The following UBE2D2 variants were observed in gnomAD, a reference collection of about 807,000 sequenced individuals.
The protein encoded by UBE2D2 is ubiquitin conjugating enzyme E2 D2.
UBE2D2 carries 2 observed loss-of-function variants against 24.2 expected under a neutral mutation model. The ratio of observed to expected loss-of-function variants is 0.08; its 90% confidence interval spans 0.03 to 0.26. The LOEUF is 0.26. UBE2D2 is among the 10% of genes least tolerant of loss of function. UBE2D2 has a pLI of 1.00. For synonymous variants in UBE2D2, 58 were observed against 56.5 expected (o/e 1.03, Z -0.12); for missense variants, 44 against 177.6 (o/e 0.25, Z 4.28).
chr5:139,569,763 G>T (rs1219478595), intron 1 of UBE2D2, among the ~76,000 whole-genome samples: 1 of 152,192 alleles, frequency 6.6e-6, no homozygotes, highest in African/African-American at 2.4e-5. Context: ...TCTGAATTGA[G>T]AACCTGGATT....
intron 1 of UBE2D2, among the ~76,000 whole-genome samples, chr5:139,563,267 A>C (rs1753148270): frequency 6.6e-6 from 1 of 152,208 alleles, no homozygotes; most frequent in Admixed American, 6.5e-5. Context: ...ACAGTGTGGA[A>C]TCAGTCCCAT....
chr5:139,604,234 G>A lies in UBE2D2; in HGVS notation c.88+3799G>A, dbSNP rs1446143621. 7.3e-5 allele frequency among the ~76,000 whole-genome samples: 11 copies of A among 150,912 alleles called. No homozygotes were observed. The South Asian group carries it at 2.1e-3, about 29-fold the overall frequency. ...TGGCTCACTATAACCTTCGCCTCGT[G>A]GGTTCAAGCAGTTCTCCTGCCTCAG... is the stretch of plus-strand genomic sequence containing the variant. On this transcript the variant is annotated intron_variant, in intron 2 of 6. Coordinates refer to ENST00000398733, the MANE Select transcript of UBE2D2 (RefSeq NM_003339.3).
At chr5:139,621,257 CATAA>C (rs1439110394) in intron 5 of UBE2D2, among the ~76,000 whole-genome samples, 3 of 152,084 alleles carry the variant, frequency 2.0e-5, no homozygotes, top group South Asian at 2.1e-4. Context: ...TAAATACATA[CATAA>C]ATAAATAAAT....
intron 1 of UBE2D2, among the ~76,000 whole-genome samples, chr5:139,549,461 C>A (rs961397613): frequency 6.6e-6 from 1 of 152,214 alleles, no homozygotes; most frequent in Non-Finnish European, 1.5e-5. Flanking sequence ...CGCCGTGGGC[C>A]CAGGAAGTGA....
chr5:139,597,916 T>C (rs1029205878), intron 1 of UBE2D2, among the ~76,000 whole-genome samples: 4 of 152,226 alleles, frequency 2.6e-5, no homozygotes, highest in African/African-American at 9.6e-5. Context: ...ATTTCTTTTT[T>C]TTTGAGACGA....
At chr5:139,528,263 T>A (rs1046640979) in intron 1 of UBE2D2, among the ~76,000 whole-genome samples, 1 of 152,186 alleles carries the variant, frequency 6.6e-6, no homozygotes, top group Non-Finnish European at 1.5e-5. Context: ...CTGGGCACTC[T>A]GCCAAATAAC....
intron 5 of UBE2D2, among the ~76,000 whole-genome samples, chr5:139,619,591 C>T (rs1754477167): frequency 6.6e-6 from 1 of 152,066 alleles, no homozygotes; most frequent in Non-Finnish European, 1.5e-5. Flanking sequence ...TTGCCAGGTG[C>T]GGTGGCTCAC....
chr5:139,574,697 C>T (rs1173806646), intron 1 of UBE2D2, among the ~76,000 whole-genome samples: 2 of 137,276 alleles, frequency 1.5e-5, no homozygotes, highest in Non-Finnish European at 3.1e-5. Context: ...CTGTGTTTGC[C>T]AACAACATTC....
intron 1 of UBE2D2, among the ~76,000 whole-genome samples, chr5:139,595,634 A>G (rs990162235): frequency 2.6e-5 from 4 of 151,950 alleles, no homozygotes; most frequent in Non-Finnish European, 5.9e-5. Context: ...GTGCCCAGCC[A>G]TGATGACAAT....
intron 2 of UBE2D2, among the ~76,000 whole-genome samples, chr5:139,607,541 A>T (rs1456040821): frequency 6.6e-6 from 1 of 152,210 alleles, no homozygotes; most frequent in African/African-American, 2.4e-5. Context: ...AGTGAAGACA[A>T]ATTAACATAG....
intron 1 of UBE2D2, among the ~76,000 whole-genome samples, chr5:139,537,297 G>A (rs553312677): frequency 6.6e-5 from 10 of 151,816 alleles, no homozygotes; most frequent in Non-Finnish European, 8.8e-5. Context: ...TTTTTGAAGC[G>A]GAATGTAAAC....
rs1754389850 is a variant in UBE2D2, at chr5:139,614,875, A to T, written c.213A>T (p.Thr71=). 1 of 1,613,794 alleles carries T rather than the reference A, an allele frequency of 6.2e-7. No individual in the cohort carries two copies. Among genetic ancestry groups the T allele is most frequent in the African/African-American group, 1.3e-5 (1 of 75,048 alleles). ...TCTTTCTGTAGGTTGCATTTACAAC[A>T]AGAATTTATCATCCAAATATTAACA... The part of the protein sequence containing the change: ...PFKPPKVAFT[T]RIYHPNINSN... Residue 71 remains threonine, a synonymous_variant, in exon 5 of 7, where the codon ACA becomes ACT. Transcript: ENST00000398733.
In UBE2D2 at chr5:139,561,501, A is replaced by C; in HGVS notation, c.-291A>C. 5.2e-6 allele frequency: 2 copies of C among 387,130 alleles called. No individual in the cohort carries two copies. Among genetic ancestry groups the C allele is most frequent in the Non-Finnish European group, 9.2e-6 (2 of 217,428 alleles). 24.0% of individuals were successfully genotyped at this position (387,130 alleles called of 1,614,324 possible). On this transcript the variant is annotated 5_prime_UTR_variant, in exon 1 of 7. Coordinates refer to ENST00000398733, the MANE Select transcript of UBE2D2 (RefSeq NM_003339.3). ...GCGGAGGGATCTGCGGCGGTTTAGG[A>C]GGCGGCGCTGATCCTGGGAGGAAGA...
intron 1 of UBE2D2, among the ~76,000 whole-genome samples, chr5:139,596,610 T>TA (rs1239175250): frequency 6.6e-6 from 1 of 151,298 alleles, no homozygotes; most frequent in Non-Finnish European, 1.5e-5. Flanking sequence ...CTTTTAAGAA[T>TA]AAAAAACTGG....
intron 1 of UBE2D2, among the ~76,000 whole-genome samples, chr5:139,535,343 C>A (rs1752655119): frequency 6.6e-6 from 1 of 150,878 alleles, no homozygotes; most frequent in Non-Finnish European, 1.5e-5. Flanking sequence ...GTAGTCCCAG[C>A]TACATGGGAG....
At chr5:139,537,118 G>A (rs1261869046) in intron 1 of UBE2D2, among the ~76,000 whole-genome samples, 2 of 151,358 alleles carry the variant, frequency 1.3e-5, no homozygotes, top group African/African-American at 2.4e-5. Flanking sequence ...GGGAGGCGGT[G>A]CTTGCAGTGA....
At chr5:139,610,940 T>C (rs543060578) in intron 2 of UBE2D2, among the ~76,000 whole-genome samples, 1 of 152,260 alleles carries the variant, frequency 6.6e-6, no homozygotes, top group East Asian at 1.9e-4. Context: ...TTTCTTTCAC[T>C]CTTTTACAGA....
intron 1 of UBE2D2, among the ~76,000 whole-genome samples, chr5:139,552,509 C>CTTTTTTT (rs35945797): frequency 1.4e-4 from 17 of 124,168 alleles, no homozygotes; most frequent in Non-Finnish European, 2.3e-4. Context: ...TTTCTTTTTT[C>CTTTTTTT]TTTTTTTTTT....
At position 139,546,764 on chromosome 5, in the gene UBE2D2, G is replaced by A. The variant is rs537479430; in HGVS notation, c.-64+20152G>A. Among the ~76,000 whole-genome samples, 26 of 152,090 alleles carry A rather than the reference G, an allele frequency of 1.7e-4. 2 individuals carry two copies. Among genetic ancestry groups the A allele is most frequent in the Admixed American group, 1.6e-3 (25 of 15,262 alleles). On this transcript the variant is annotated intron_variant, in intron 1 of 6. Coordinates refer to the UBE2D2 transcript ENST00000511725. Reference sequence around the variant, plus strand: ...GCCTCCCAAAGTGCTGGAATTACAGGCGTGAGCCACCGTGCCTGGCCTTAA... The same window carrying A: ...GCCTCCCAAAGTGCTGGAATTACAGACGTGAGCCACCGTGCCTGGCCTTAA...
Sources: gnomAD v4.1 joint callset for allele counts (sites outside exome capture counted in the v4.1 genomes callset) on GRCh38, gnomAD v4.1.1 for gene constraint, MANE v1.5 for transcripts, NCBI Gene and HGNC (gene_info 2026-07-23, HGNC 2026-07-21) for gene names.